The following EPAS1 variants were observed in gnomAD, a reference collection of about 807,000 sequenced individuals.
EPAS1 encodes the protein endothelial PAS domain protein 1, also known as endothelial PAS domain-containing protein 1.
A neutral mutation model predicts 87.9 loss-of-function variants in EPAS1; 23 were observed. The observed-to-expected ratio is 0.26, with a 90% CI of 0.19 to 0.37. The LOEUF (loss-of-function observed/expected upper bound fraction) is 0.37, where lower values mean the gene tolerates loss of function less well. EPAS1 is among the 10% of genes least tolerant of loss of function. The pLI is 1.00. For synonymous variants in EPAS1, 508 were observed against 444.3 expected, an observed-to-expected ratio of 1.14 and a Z score of -1.80; for missense variants, 1,138 against 1,120.7, an observed-to-expected ratio of 1.02 and a Z score of -0.22.
At chr2:46,356,669 G>C in intron 3 of EPAS1, 55 bp from the exon 4 acceptor site, 3 of 1,384,648 alleles carry the variant, frequency 2.2e-6, no homozygotes, top group East Asian at 2.3e-5. Flanking sequence ...CTTACTCTTG[G>C]AGTCTTTTAC....
rs568338802 is a variant in EPAS1, at chr2:46,386,219, A to G, written c.*1559A>G. 2 of 152,772 alleles carry G rather than the reference A, an allele frequency of 1.3e-5. No individual in the cohort carries two copies. Among genetic ancestry groups the G allele is most frequent in the East Asian group, 1.9e-4 (1 of 5,194 alleles). 9.5% of individuals were successfully genotyped at this position (152,772 alleles called of 1,614,324 possible). On this transcript the variant is annotated 3_prime_UTR_variant, in exon 16 of 16. Coordinates refer to ENST00000263734, the MANE Select transcript of EPAS1 (RefSeq NM_001430.5). ...CCTCTGGTTTTTCAATACCAATTAC[A>G]TGGAACTTTTCTGTAATGGGTACAA...
rs1462244319 is a variant in EPAS1 at position 46,384,638 on chromosome 2, G to A, written c.2591G>A (p.Arg864Lys). Residue 864 changes from arginine (R) to lysine (K), a missense_variant, in exon 16 of 16, where the codon AGA (arginine) becomes AAA (lysine). Transcript: ENST00000263734. ...CTCCTGCAAGGAGGGGACCTCCTCA[G>A]AGCCCTGGACCAGGCCACCTGAGCC... ...STLLQGGDLLRALDQAT is the reference protein window; with the variant it reads ...STLLQGGDLLKALDQAT 6.2e-7 allele frequency: 1 copy of A among 1,613,924 alleles called. No homozygotes were observed. The highest frequency in any genetic ancestry group is 1.1e-5 in the South Asian group (1 of 91,084).
intron 1 of EPAS1, among the ~76,000 whole-genome samples, chr2:46,328,702 C>T (rs758040717): frequency 6.6e-6 from 1 of 152,228 alleles, no homozygotes; most frequent in Admixed American, 6.5e-5. Flanking sequence ...ACCATCAGAA[C>T]GTACCTTCAG....
intron 1 of EPAS1, among the ~76,000 whole-genome samples, chr2:46,334,712 G>A (rs1200550744): frequency 6.6e-6 from 1 of 152,210 alleles, no homozygotes. Flanking sequence ...TATTGAATGA[G>A]CAGAGGGAAT....
rs764569499 is a variant in EPAS1, at chr2:46,369,877, C to T, written c.830C>T (p.Ala277Val). ...YHPEELLGRS[A>V]YEFYHALDSE... ...CCTGAGGAGCTGCTTGGCCGCTCAG[C>T]CTATGAATTCTACCATGCGCTAGAC... The change falls in exon 7 of 16, where the codon GCC becomes GTC. Residue 277 changes from alanine (A) to valine (V), a missense_variant. Ala to Val is a moderately conservative substitution (Grantham distance 64, BLOSUM62 0). Coordinates refer to ENST00000263734, the MANE Select transcript of EPAS1 (RefSeq NM_001430.5). The T allele has an allele frequency of 1.4e-5, 23 of 1,613,262 alleles. No homozygotes were observed. Among genetic ancestry groups the T allele is most frequent in the South Asian group, 1.1e-4 (10 of 90,760 alleles).
Position 46,378,062 on chromosome 2 carries a change from C to G in EPAS1, c.1418C>G (p.Thr473Ser), listed in dbSNP as rs1684798190. Reference sequence around the variant, plus strand: ...CCGGGCAGCACCACCCCCAGTGCCACCAGCAGCAGCAGCAGCTGCTCCACG... The same window carrying G: ...CCGGGCAGCACCACCCCCAGTGCCAGCAGCAGCAGCAGCAGCTGCTCCACG... Reference protein sequence around the residue: ...AAPGSTTPSATSSSSSCSTPN... With the variant: ...AAPGSTTPSASSSSSSCSTPN... The change falls in exon 10 of 16, where the codon ACC becomes AGC. Residue 473 changes from threonine (T) to serine (S), a missense_variant. Physicochemically the swap from Thr to Ser is moderately conservative, Grantham distance 58. This residue lies in a region of EPAS1 where 284 missense variants were observed against 258.4 expected (regional missense o/e 1.10). Coordinates refer to ENST00000263734, the MANE Select transcript of EPAS1 (RefSeq NM_001430.5). 2 of 1,605,940 alleles carry G rather than the reference C, an allele frequency of 1.2e-6. No homozygotes were observed. The highest frequency in any genetic ancestry group is 2.2e-5 in the East Asian group (1 of 44,654).
intron 1 of EPAS1, among the ~76,000 whole-genome samples, chr2:46,341,627 T>C (rs906010012): frequency 6.6e-6 from 1 of 152,202 alleles, no homozygotes; most frequent in Non-Finnish European, 1.5e-5. Flanking sequence ...TCAAATTTGC[T>C]GGACACAGTG....
intron 1 of EPAS1, among the ~76,000 whole-genome samples, chr2:46,342,953 T>G (rs1683940423): frequency 6.6e-6 from 1 of 151,208 alleles, no homozygotes; most frequent in Non-Finnish European, 1.5e-5. Flanking sequence ...TCGGGGAGAG[T>G]AACTATAAAT....
chr2:46,323,378 C>A (rs1441072737), intron 1 of EPAS1, among the ~76,000 whole-genome samples: 1 of 152,294 alleles, frequency 6.6e-6, no homozygotes, highest in Non-Finnish European at 1.5e-5. Context: ...GTGTCCACAC[C>A]TGATGAGGTC....
Position 46,297,771 on chromosome 2 carries a change from C to T in EPAS1, c.-141C>T, listed in dbSNP as rs1352553903. On this transcript the variant is annotated 5_prime_UTR_variant, in exon 1 of 16. Transcript: ENST00000263734. ...CCGCGCGCCACCTTCCACCTGACTG[C>T]GCGGGGCGCTCGGGACCTGCGCGCA... 2.3e-5 allele frequency: 27 copies of T among 1,174,316 alleles called. No homozygotes were observed. In the Middle Eastern group the frequency reaches 8.1e-4, roughly 35 times the overall value. 72.7% of individuals were successfully genotyped at this position (1,174,316 alleles called of 1,614,324 possible). A position where few individuals can be genotyped will look rare whatever the true frequency, so the allele number is the denominator to read the frequency against.
At chr2:46,314,030 A>G (rs373546370) in intron 1 of EPAS1, among the ~76,000 whole-genome samples, 1 of 152,096 alleles carries the variant, frequency 6.6e-6, no homozygotes, top group African/African-American at 2.4e-5. Context: ...CATTTTTGTC[A>G]TATAGATGAA....
intron 1 of EPAS1, among the ~76,000 whole-genome samples, chr2:46,304,279 T>C (rs1047736884): frequency 6.6e-6 from 1 of 152,156 alleles, no homozygotes; most frequent in African/African-American, 2.4e-5. Context: ...CCCCACTTCA[T>C]TGATGGGAAA....
chr2:46,363,017 G>GTGA lies in EPAS1; in HGVS notation c.779+1929_779+1931dup, dbSNP rs1553395713. ...GGTGGTGGTGGTGGTGGTGGTGGTG[G>GTGA]TGATAATGATGGTGGTTCAAGAAGA... On this transcript the variant is annotated intron_variant, in intron 6 of 15. Coordinates refer to ENST00000263734, the MANE Select transcript of EPAS1 (RefSeq NM_001430.5). 3.5e-5 allele frequency among the ~76,000 whole-genome samples: 5 copies of GTGA among 144,276 alleles called. No individual in the cohort carries two copies. The South Asian group carries it at 6.5e-4, about 19-fold the overall frequency. The allele number at this position is 144,276 out of a possible 152,430, so 94.7% of individuals were successfully genotyped here. A position where few individuals can be genotyped will look rare whatever the true frequency, so the allele number is the denominator to read the frequency against.
At chr2:46,316,799 T>A (rs1290453926) in intron 1 of EPAS1, among the ~76,000 whole-genome samples, 1 of 152,238 alleles carries the variant, frequency 6.6e-6, no homozygotes, top group African/African-American at 2.4e-5. Context: ...GGAAAGACTC[T>A]GCAGCATGTG....
chr2:46,347,131 G>T lies in EPAS1; in HGVS notation c.217+68G>T. 6.3e-7 allele frequency: 1 copy of T among 1,575,970 alleles called. No homozygotes were observed. The highest frequency in any genetic ancestry group is 8.7e-7 in the Non-Finnish European group (1 of 1,146,074). ...TACCAGCATGTTCCTATATGCAGGG[G>T]ACCCTTCTGCTGCCAGAGCTGGAAA... On this transcript the variant is annotated intron_variant, in intron 2 of 15. Transcript: ENST00000263734. This position sits in a 1 kb window ranked among gnomAD's most constrained non-coding sequence, Gnocchi z 4.2.
At chr2:46,359,532 TTC>T (rs1292458703) in intron 4 of EPAS1, among the ~76,000 whole-genome samples, 3 of 152,156 alleles carry the variant, frequency 2.0e-5, no homozygotes, top group East Asian at 1.9e-4. Flanking sequence ...TGAAGGAATG[TTC>T]TCTCTTTTTT....
intron 15 of EPAS1, 50 bp downstream of exon 15, chr2:46,382,648 G>A (rs1238460297): frequency 1.9e-6 from 3 of 1,608,998 alleles, no homozygotes; most frequent in South Asian, 1.1e-5. Context: ...CGATGCCAGG[G>A]GAAGCCCACG....
intron 2 of EPAS1, among the ~76,000 whole-genome samples, chr2:46,352,913 A>G (rs1336803594): frequency 6.6e-6 from 1 of 152,168 alleles, no homozygotes; most frequent in Admixed American, 6.5e-5. Flanking sequence ...CCTGGAAGCA[A>G]ATGCACTGGG....
At chr2:46,362,814 G>C (rs1684420234) in intron 6 of EPAS1, among the ~76,000 whole-genome samples, 1 of 152,200 alleles carries the variant, frequency 6.6e-6, no homozygotes, top group African/African-American at 2.4e-5. Context: ...ACCACAGTAG[G>C]GCCAGGATTC....
Sources: allele counts gnomAD v4.1 joint callset (sites outside exome capture counted in the v4.1 genomes callset), GRCh38; gene constraint gnomAD v4.1.1; regional missense constraint gnomAD v4.1.1; non-coding constraint Gnocchi (gnomAD v3.1); transcripts MANE v1.5; gene names NCBI Gene and HGNC (gene_info 2026-07-23, HGNC 2026-07-21).